The following GLCCI1 variants were observed in gnomAD, a reference collection of about 807,000 sequenced individuals.
GLCCI1 encodes the protein glucocorticoid induced 1.
A neutral mutation model predicts 52.2 loss-of-function variants in GLCCI1; 24 were observed. The observed-to-expected ratio is 0.46, with a 90% CI of 0.33 to 0.65. GLCCI1 has a LOEUF of 0.65. GLCCI1 is among the 30% of genes least tolerant of loss of function. The pLI, the probability that GLCCI1 is intolerant of heterozygous loss-of-function variation, is 0.02. For missense variants in GLCCI1, 704 were observed against 701.5 expected, an observed-to-expected ratio of 1.00 and a Z score of -0.04; for synonymous variants, 310 against 276.5, an observed-to-expected ratio of 1.12 and a Z score of -1.20.
chr7:8,002,701 G>C (rs1781072629), intron 1 of GLCCI1, among the ~76,000 whole-genome samples: 3 of 152,334 alleles, frequency 2.0e-5, no homozygotes, highest in African/African-American at 7.2e-5. Context: ...TTTGATGTGA[G>C]ATATGACTCT....
intron 3 of GLCCI1, among the ~76,000 whole-genome samples, chr7:8,047,587 AC>A (rs1782160954): frequency 6.6e-6 from 1 of 152,246 alleles, no homozygotes; most frequent in Non-Finnish European, 1.5e-5. Flanking sequence ...TATAGTGTCA[AC>A]ATGTGCATTA....
intron 4 of GLCCI1, among the ~76,000 whole-genome samples, chr7:8,056,216 T>A (rs534721983): frequency 6.6e-6 from 1 of 152,162 alleles, no homozygotes; most frequent in South Asian, 2.1e-4. Context: ...GAGACTCACT[T>A]GAACCCGGGA....
chr7:8,029,330 C>G (rs965936426), intron 3 of GLCCI1, among the ~76,000 whole-genome samples: 1 of 152,052 alleles, frequency 6.6e-6, no homozygotes, highest in Admixed American at 6.5e-5. Flanking sequence ...ATCATATCAA[C>G]AAAATGAAGA....
chr7:8,015,328 A>G (rs1465351068), intron 2 of GLCCI1, among the ~76,000 whole-genome samples: 1 of 152,232 alleles, frequency 6.6e-6, no homozygotes, highest in Non-Finnish European at 1.5e-5. Flanking sequence ...CAAAAGTCAC[A>G]CTTTATACAG....
At chr7:8,043,019 C>G (rs1782037101) in intron 3 of GLCCI1, among the ~76,000 whole-genome samples, 1 of 152,206 alleles carries the variant, frequency 6.6e-6, no homozygotes, top group Non-Finnish European at 1.5e-5. Flanking sequence ...AACCGCCATC[C>G]TGATCAGTCA....
chr7:8,005,252 T>C (rs1266887995), intron 2 of GLCCI1, among the ~76,000 whole-genome samples: 1 of 151,832 alleles, frequency 6.6e-6, no homozygotes, highest in East Asian at 1.9e-4. Flanking sequence ...GAAAATAAAA[T>C]TTAAAAATAA....
chr7:8,020,146 C>G (rs1781456174), intron 2 of GLCCI1, among the ~76,000 whole-genome samples: 1 of 151,968 alleles, frequency 6.6e-6, no homozygotes. Context: ...ATTCTGTAAG[C>G]TTTTATTTAT....
chr7:8,062,380 GATA>G (rs1167268222), intron 5 of GLCCI1, among the ~76,000 whole-genome samples: 1 of 151,584 alleles, frequency 6.6e-6, no homozygotes, highest in Non-Finnish European at 1.5e-5. Context: ...CAAACTGATA[GATA>G]ATTAAAAATT....
rs1781515192 is a variant in GLCCI1 at position 8,022,414 on chromosome 7, T to C, written c.610-69T>C. 2.0e-5 allele frequency: 17 copies of C among 846,196 alleles called. No homozygotes were observed. In the South Asian group the frequency reaches 3.9e-4, roughly 19 times the overall value. 52.4% of individuals were successfully genotyped at this position (846,196 alleles called of 1,614,324 possible). A position where few individuals can be genotyped will look rare whatever the true frequency, so the allele number is the denominator to read the frequency against. ...GTAAGTGCTAAGAATTTTAAATATG[T>C]TTCAGTTGCTTGAGATTAGGAAGTA... On this transcript the variant is annotated intron_variant, in intron 2 of 7. Coordinates refer to ENST00000223145, the MANE Select transcript of GLCCI1 (RefSeq NM_138426.4).
At position 8,044,812 on chromosome 7, in the gene GLCCI1, AT is replaced by A. The variant is rs145627158; in HGVS notation, c.697-10618del. On this transcript the variant is annotated intron_variant, in intron 3 of 7. Coordinates refer to ENST00000223145, the MANE Select transcript of GLCCI1 (RefSeq NM_138426.4). ...ACCTGTAAGAATGCAATGTGAAAAA[AT>A]TTAATCATAAGTAAATACATTTTAT... is the stretch of plus-strand genomic sequence containing the variant. Among the ~76,000 whole-genome samples, 1,112 of 152,364 alleles carry A rather than the reference AT, an allele frequency of 7.3e-3. 19 individuals are homozygous for A. The highest frequency in any genetic ancestry group is 0.025 in the African/African-American group (1,048 of 41,582).
At chr7:8,073,519 T>C (rs759780903) in intron 6 of GLCCI1, among the ~76,000 whole-genome samples, 14 of 152,178 alleles carry the variant, frequency 9.2e-5, no homozygotes, top group Non-Finnish European at 1.2e-4. Flanking sequence ...TTTTTTAATA[T>C]GTAAAATGAG....
chr7:8,044,242 G>A (rs965062102), intron 3 of GLCCI1, among the ~76,000 whole-genome samples: 9 of 152,132 alleles, frequency 5.9e-5, no homozygotes, highest in Non-Finnish European at 2.9e-5. Context: ...ACCGTGCCTG[G>A]CCAAGGCACT....
At chr7:8,066,281 CT>C (rs1340410409) in intron 5 of GLCCI1, among the ~76,000 whole-genome samples, 1 of 151,980 alleles carries the variant, frequency 6.6e-6, no homozygotes, top group African/African-American at 2.4e-5. Flanking sequence ...TTATTTGGAT[CT>C]TTTTTTCTTT....
At chr7:8,077,968 C>T (rs1044510078) in intron 6 of GLCCI1, among the ~76,000 whole-genome samples, 2 of 152,164 alleles carry the variant, frequency 1.3e-5, no homozygotes, top group South Asian at 2.1e-4. Context: ...GGCGCGGTGG[C>T]TCACGCCTGT....
intron 3 of GLCCI1, among the ~76,000 whole-genome samples, chr7:8,031,287 C>G (rs1205332338): frequency 6.6e-6 from 1 of 152,100 alleles, no homozygotes; most frequent in Non-Finnish European, 1.5e-5. Flanking sequence ...TGAAATAAGC[C>G]AGGCACAGAA....
chr7:8,071,511 C>T lies in GLCCI1; in HGVS notation c.1177+380C>T, dbSNP rs568611930. On this transcript the variant is annotated intron_variant, in intron 6 of 7. Transcript: ENST00000223145. ...TAGATTTTATAATCAGATTGATTTGCGAGGAAATAATTTCTAAAAATTCTG... is the reference window on the plus strand; with the variant it reads ...TAGATTTTATAATCAGATTGATTTGTGAGGAAATAATTTCTAAAAATTCTG... Among the ~76,000 whole-genome samples the T allele has an allele frequency of 9.2e-5, 14 of 152,074 alleles. No homozygotes were observed. The South Asian group carries it at 1.0e-3, about 11-fold the overall frequency.
intron 2 of GLCCI1, among the ~76,000 whole-genome samples, chr7:8,005,638 G>T (rs903418241): frequency 6.6e-6 from 1 of 152,086 alleles, no homozygotes; most frequent in Non-Finnish European, 1.5e-5. Flanking sequence ...TGGGATTATA[G>T]GATAATACAA....
intron 5 of GLCCI1, among the ~76,000 whole-genome samples, chr7:8,063,439 C>A (rs892840441): frequency 1.3e-5 from 2 of 151,844 alleles, no homozygotes; most frequent in African/African-American, 2.4e-5. Context: ...AGCCACCGCA[C>A]CCAGCCTGTT....
At chr7:8,034,318 C>T (rs950317916) in intron 3 of GLCCI1, among the ~76,000 whole-genome samples, 5 of 152,010 alleles carry the variant, frequency 3.3e-5, no homozygotes, top group South Asian at 2.1e-4. Context: ...ATTAATTAGA[C>T]ATTCTTAGAT....
Sources: gnomAD v4.1 joint callset for allele counts (sites outside exome capture counted in the v4.1 genomes callset) on GRCh38, gnomAD v4.1.1 for gene constraint, MANE v1.5 for transcripts, NCBI Gene and HGNC (gene_info 2026-07-23, HGNC 2026-07-21) for gene names.